TMEM120B: variants seen among roughly 807,000 people sequenced by gnomAD.
TMEM120B encodes transmembrane protein 120B.
Under a neutral mutation model 55.5 loss-of-function variants are expected in TMEM120B, and 31 were observed. The ratio of observed to expected loss-of-function variants is 0.56; its 90% CI spans 0.42 to 0.75. The LOEUF (loss-of-function observed/expected upper bound fraction) is 0.75, where lower values mean the gene tolerates loss of function less well. Among genes scored for constraint, TMEM120B ranks in the 30% least tolerant of loss-of-function variants. The probability of loss-of-function intolerance (pLI) is 0.00; values close to 1 mark genes in which losing one functional copy is unlikely to be tolerated. For missense variants in TMEM120B, 399 were observed against 425.5 expected, an observed-to-expected ratio of 0.94 and a Z score of 0.55; for synonymous variants, 203 against 176.3, an observed-to-expected ratio of 1.15 and a Z score of -1.20.
intron 1 of TMEM120B, among the ~76,000 whole-genome samples, chr12:121,722,043 C>T (rs190637495): frequency 2.2e-4 from 34 of 151,122 alleles, no homozygotes; most frequent in Admixed American, 6.0e-4. Context: ...CCTTGTGATC[C>T]GCCCGCTTTG....
intron 4 of TMEM120B, among the ~76,000 whole-genome samples, chr12:121,750,931 C>A (rs1438070598): frequency 4.9e-5 from 4 of 81,002 alleles, no homozygotes; most frequent in Admixed American, 1.2e-4. Flanking sequence ...CCACACCTCA[C>A]CCCACACCCC....
At chr12:121,773,289 G>A (rs1874120689) in intron 8 of TMEM120B, 132 bp from the exon 9 acceptor site, 2 of 704,582 alleles carry the variant, frequency 2.8e-6, no homozygotes, top group Non-Finnish European at 4.8e-6. Flanking sequence ...GCGTGGGAGA[G>A]GGTTGTAACC....
chr12:121,769,532 C>T (rs1041569228), intron 6 of TMEM120B, among the ~76,000 whole-genome samples: 1 of 151,344 alleles, frequency 6.6e-6, no homozygotes, highest in African/African-American at 2.4e-5. Context: ...ATAGCAAGAC[C>T]CTGTCTCTAA....
intron 1 of TMEM120B, among the ~76,000 whole-genome samples, chr12:121,735,647 T>C (rs1895095188): frequency 1.3e-5 from 2 of 152,032 alleles, no homozygotes; most frequent in South Asian, 2.1e-4. Flanking sequence ...TCCGCCTGCC[T>C]TGGCCTCCCA....
rs1874291571 is a variant in TMEM120B, at chr12:121,777,786, T to TCAGGCTGTGGCCAGATGTGGCCCA, written c.*2073_*2096dup. The TCAGGCTGTGGCCAGATGTGGCCCA allele has an allele frequency of 6.6e-6, 1 of 152,228 alleles. No homozygotes were observed. Among genetic ancestry groups the TCAGGCTGTGGCCAGATGTGGCCCA allele is most frequent in the Non-Finnish European group, 1.5e-5 (1 of 68,050 alleles). The allele number at this position is 152,228 out of a possible 1,614,324, so 9.4% of individuals were successfully genotyped here. On this transcript the variant is annotated 3_prime_UTR_variant, in exon 12 of 12. Transcript: ENST00000449592. ...GTTCCAATAAAACTTTATTTACAAA[T>TCAGGCTGTGGCCAGATGTGGCCCA]CAGGCTGTGGCCAGATGTGGCCCAC... is the stretch of plus-strand genomic sequence containing the variant.
At chr12:121,769,618 T>G (rs1202640707) in intron 6 of TMEM120B, among the ~76,000 whole-genome samples, 2 of 151,968 alleles carry the variant, frequency 1.3e-5, no homozygotes, top group African/African-American at 4.8e-5. Context: ...GTGGGAGAAT[T>G]GCTTGACCTG....
rs894395208 is a variant in TMEM120B at position 121,775,010 on chromosome 12, G to A, written c.838-52G>A. Reference sequence around the variant, plus strand: ...CCTGGCCATCACCCTGGCTTTCTACGTGGCCGGCCAGGGGAGTCTGGTGGG... The same window carrying A: ...CCTGGCCATCACCCTGGCTTTCTACATGGCCGGCCAGGGGAGTCTGGTGGG... On this transcript the variant is annotated intron_variant, in intron 10 of 11. Coordinates refer to ENST00000449592, the MANE Select transcript of TMEM120B (RefSeq NM_001080825.2). This position sits in a 1 kb window ranked among gnomAD's most constrained non-coding sequence, Gnocchi z 4.3. The A allele has an allele frequency of 6.2e-6, 10 of 1,604,226 alleles. No homozygotes were observed. The East Asian group carries it at 8.9e-5, about 14-fold the overall frequency.
At chr12:121,732,305 C>T (rs183083262) in intron 1 of TMEM120B, among the ~76,000 whole-genome samples, 17 of 152,268 alleles carry the variant, frequency 1.1e-4, no homozygotes, top group African/African-American at 3.4e-4. Context: ...GTTTGTGGCT[C>T]CCCTCACTCC....
At chr12:121,764,380 C>T (rs915542567) in intron 6 of TMEM120B, among the ~76,000 whole-genome samples, 1 of 152,060 alleles carries the variant, frequency 6.6e-6, no homozygotes, top group Non-Finnish European at 1.5e-5. Context: ...ATTAGCCGGG[C>T]GTGGTGGTGC....
At chr12:121,755,423 C>T (rs1160273070) in intron 5 of TMEM120B, among the ~76,000 whole-genome samples, 1 of 152,202 alleles carries the variant, frequency 6.6e-6, no homozygotes, top group Non-Finnish European at 1.5e-5. Flanking sequence ...TTGGAAGCCT[C>T]CTTCTGCTGC....
chr12:121,738,215 C>T (rs984011448), intron 1 of TMEM120B, among the ~76,000 whole-genome samples: 1 of 151,816 alleles, frequency 6.6e-6, no homozygotes, highest in Non-Finnish European at 1.5e-5. Flanking sequence ...GCCGAGATTG[C>T]GCCACTGGAC....
chr12:121,737,704 A>G (rs1190934212), intron 1 of TMEM120B, among the ~76,000 whole-genome samples: 2 of 151,934 alleles, frequency 1.3e-5, no homozygotes, highest in Non-Finnish European at 2.9e-5. Flanking sequence ...CTAATAAAAA[A>G]TGTGGTTCAG....
chr12:121,766,240 C>G (rs140427537), intron 6 of TMEM120B, among the ~76,000 whole-genome samples: 1,764 of 152,198 alleles, frequency 0.012, 15 homozygotes, highest in Non-Finnish European at 0.019. Flanking sequence ...ATGAAGCCAC[C>G]CTCGGTTTGT....
Position 121,781,224 on chromosome 12 carries a change from C to T in TMEM120B, c.*5502C>T, listed in dbSNP as rs756415640. Reference sequence around the variant, plus strand: ...GCACAGAGCAGCGGGGGTCAGGGGACGTCCCCTCCCTGTCTGGACTCTGAC... The same window carrying T: ...GCACAGAGCAGCGGGGGTCAGGGGATGTCCCCTCCCTGTCTGGACTCTGAC... On this transcript the variant is annotated 3_prime_UTR_variant, in exon 12 of 12. Transcript: ENST00000449592. 1.4e-5 allele frequency: 22 copies of T among 1,590,104 alleles called. No homozygotes were observed. The highest frequency in any genetic ancestry group is 1.3e-4 in the South Asian group (12 of 90,232).
intron 6 of TMEM120B, among the ~76,000 whole-genome samples, chr12:121,766,436 G>A (rs948084830): frequency 6.6e-6 from 1 of 152,124 alleles, no homozygotes; most frequent in African/African-American, 2.4e-5. Flanking sequence ...TTCATGGCCC[G>A]GCTCCAGCTC....
chr12:121,743,609 C>T lies in TMEM120B; in HGVS notation c.70-20C>T, dbSNP rs776370487. 2 of 1,601,406 alleles carry T rather than the reference C, an allele frequency of 1.2e-6. No homozygotes were observed. Among genetic ancestry groups the T allele is most frequent in the Non-Finnish European group, 1.7e-6 (2 of 1,169,826 alleles). On this transcript the variant is annotated intron_variant, in intron 1 of 11. Coordinates refer to ENST00000449592, the MANE Select transcript of TMEM120B (RefSeq NM_001080825.2). ...TTCATATTCTCCCACACACCCTCCC[C>T]CGGGTCCCCTGTTCTTCAGGAGACG...
At chr12:121,740,192 A>G (rs1017426636) in intron 1 of TMEM120B, among the ~76,000 whole-genome samples, 8 of 152,118 alleles carry the variant, frequency 5.3e-5, no homozygotes, top group Non-Finnish European at 7.3e-5. Flanking sequence ...TACAATAAAG[A>G]AAGCTAGAGA....
rs1874201333 is a variant in TMEM120B at position 121,775,273 on chromosome 12, G to A, written c.906+143G>A. 2 of 1,095,842 alleles carry A rather than the reference G, an allele frequency of 1.8e-6. No individual in the cohort carries two copies. The highest frequency in any genetic ancestry group is 1.6e-5 in the African/African-American group (1 of 64,336). 67.9% of individuals were successfully genotyped at this position (1,095,842 alleles called of 1,614,324 possible). A position where few individuals can be genotyped will look rare whatever the true frequency, so the allele number is the denominator to read the frequency against. On this transcript the variant is annotated intron_variant, in intron 11 of 11. Coordinates refer to ENST00000449592, the MANE Select transcript of TMEM120B (RefSeq NM_001080825.2). This position sits in a 1 kb window ranked among gnomAD's most constrained non-coding sequence, Gnocchi z 4.3. ...GTGGGGGTGGGGTGTGTGCGTGTGTGTGGTGTGCTGTGGGGAGGTTCCTGG... is the reference window on the plus strand; with the variant it reads ...GTGGGGGTGGGGTGTGTGCGTGTGTATGGTGTGCTGTGGGGAGGTTCCTGG...
rs3741588 is a variant in TMEM120B at position 121,778,986 on chromosome 12, A to G, written c.*3264A>G. ...ATGGGAGGGGTGGGTGCCAGGCTGC[A>G]GCCTGTGTCCTCCTGATAGGCCCAG... On this transcript the variant is annotated 3_prime_UTR_variant, in exon 12 of 12. Transcript: ENST00000449592. 0.21 allele frequency: 32,227 copies of G among 155,938 alleles called. 3,844 individuals are homozygous for G. Among genetic ancestry groups the G allele is most frequent in the African/African-American group, 0.33 (13,773 of 41,534 alleles). The allele number at this position is 155,938 out of a possible 1,614,324, so 9.7% of individuals were successfully genotyped here. A position where few individuals can be genotyped will look rare whatever the true frequency, so the allele number is the denominator to read the frequency against.
Sources: gnomAD v4.1 joint callset for allele counts (sites outside exome capture counted in the v4.1 genomes callset) on GRCh38, gnomAD v4.1.1 for gene constraint, Gnocchi (gnomAD v3.1) non-coding constraint, MANE v1.5 for transcripts, NCBI Gene and HGNC (gene_info 2026-07-23, HGNC 2026-07-21) for gene names.